The following MED1 variants were observed in gnomAD, a reference collection of about 807,000 sequenced individuals.
MED1 encodes mediator complex subunit 1.
A neutral mutation model predicts 121.3 loss-of-function variants in MED1; 17 were observed. The ratio of observed to expected loss-of-function variants is 0.14; its 90% confidence interval spans 0.10 to 0.21. The LOEUF (loss-of-function observed/expected upper bound fraction) is 0.21. Ranked by LOEUF, MED1 falls within the 10% of genes least tolerant of loss-of-function variation. The probability of loss-of-function intolerance (pLI) is 1.00; values close to 1 mark genes in which losing one functional copy is unlikely to be tolerated. For missense variants in MED1, 1,558 were observed against 1,919.4 expected (o/e 0.81, Z 3.52); for synonymous variants, 661 against 694.4 (o/e 0.95, Z 0.76).
Position 39,418,789 on chromosome 17 carries a change from A to ATT in MED1, c.1297+926_1297+927dup, listed in dbSNP as rs71147329. Reference sequence around the variant, plus strand: ...TTCGTGTGGAAACACAGCATCTGTGATTTTTTTTTTTTTTTTGAGAGGGAG... The same window carrying ATT: ...TTCGTGTGGAAACACAGCATCTGTGATTTTTTTTTTTTTTTTTTGAGAGGGAG... On this transcript the variant is annotated intron_variant, in intron 14 of 16. Coordinates refer to ENST00000300651, the MANE Select transcript of MED1 (RefSeq NM_004774.4). Among the ~76,000 whole-genome samples the ATT allele has an allele frequency of 7.6e-3, 1,082 of 142,294 alleles. 7 individuals are homozygous for ATT. The highest frequency in any genetic ancestry group is 0.018 in the Middle Eastern group (5 of 276). 93.4% of individuals were successfully genotyped at this position (142,294 alleles called of 152,430 possible).
At chr17:39,449,809 CTT>C (rs71147334) in intron 1 of MED1, among the ~76,000 whole-genome samples, 2,239 of 61,650 alleles carry the variant, frequency 0.036, 12 homozygotes, top group Non-Finnish European at 0.048. Flanking sequence ...CACACCCGGC[CTT>C]TTTTTTTTTT....
Position 39,440,775 on chromosome 17 carries a change from C to CAA in MED1, c.212-99_212-98insTT. The CAA allele has an allele frequency of 6.0e-6, 7 of 1,162,904 alleles. No individual in the cohort carries two copies. The highest frequency in any genetic ancestry group is 8.8e-6 in the Non-Finnish European group (7 of 795,408). The allele number at this position is 1,162,904 out of a possible 1,614,324, so 72.0% of individuals were successfully genotyped here. Reference sequence around the variant, plus strand: ...AGATTCATCCTTCCAAAACCGTAAACATATTCAGTAGTTCAAATGCTTGTA... The same window carrying CAA: ...AGATTCATCCTTCCAAAACCGTAAACAAATATTCAGTAGTTCAAATGCTTGTA... On this transcript the variant is annotated intron_variant, in intron 3 of 16. Coordinates refer to ENST00000300651, the MANE Select transcript of MED1 (RefSeq NM_004774.4). This position sits in a 1 kb window ranked among gnomAD's most constrained non-coding sequence, Gnocchi z 4.1.
At chr17:39,428,867 G>A (rs1170353148) in intron 9 of MED1, among the ~76,000 whole-genome samples, 1 of 150,450 alleles carries the variant, frequency 6.6e-6, no homozygotes, top group Non-Finnish European at 1.5e-5. Context: ...CAGGAGAATT[G>A]CTTGAACCCA....
chr17:39,421,101 A>G (rs1386568387), intron 13 of MED1, among the ~76,000 whole-genome samples: 1 of 150,352 alleles, frequency 6.7e-6, no homozygotes, highest in Non-Finnish European at 1.5e-5. Flanking sequence ...CGGCCACATC[A>G]GCCTAATTTT....
At chr17:39,429,754 A>G (rs2048548265) in intron 9 of MED1, among the ~76,000 whole-genome samples, 1 of 151,196 alleles carries the variant, frequency 6.6e-6, no homozygotes, top group Non-Finnish European at 1.5e-5. Flanking sequence ...AAATACACAA[A>G]TATCTGGCAA....
At chr17:39,449,440 C>G (rs2048760307) in intron 1 of MED1, among the ~76,000 whole-genome samples, 1 of 152,142 alleles carries the variant, frequency 6.6e-6, no homozygotes, top group Non-Finnish European at 1.5e-5. Context: ...TTCGGCCTCC[C>G]AAGGTGCTGG....
chr17:39,425,283 C>T (rs1280167230), intron 10 of MED1, among the ~76,000 whole-genome samples: 1 of 152,056 alleles, frequency 6.6e-6, no homozygotes, highest in Non-Finnish European at 1.5e-5. Context: ...CTCCACCTCC[C>T]AGGTTCAAGA....
intron 3 of MED1, among the ~76,000 whole-genome samples, chr17:39,441,538 G>A (rs1006695122): frequency 2.6e-5 from 4 of 152,174 alleles, no homozygotes; most frequent in Admixed American, 2.0e-4. Context: ...TTCGGAGACC[G>A]AGGCATGCGG....
intron 13 of MED1, among the ~76,000 whole-genome samples, chr17:39,420,948 A>G (rs1359206041): frequency 6.6e-6 from 1 of 151,044 alleles, no homozygotes; most frequent in African/African-American, 2.4e-5. Flanking sequence ...GGCGCCCGCC[A>G]CCACACCCAG....
In MED1 at chr17:39,410,054, T is replaced by C. The variant is rs749016052; in HGVS notation, c.2167A>G (p.Ile723Val). ...FSMDVDSQNP[I>V]FDVNMTADTL... ...TCAGCTGTCATGTTGACATCAAAGA[T>C]AGGGTTCTGTGAGTCAACATCCATT... is the stretch of plus-strand genomic sequence containing the variant. Residue 723 changes from isoleucine to valine, a missense_variant, in exon 17 of 17, where the codon ATC (isoleucine) becomes GTC (valine). Physicochemically the swap from Ile to Val is conservative, Grantham distance 29 (BLOSUM62 3). Transcript: ENST00000300651. The C allele has an allele frequency of 2.0e-5, 32 of 1,613,976 alleles. No individual in the cohort carries two copies. The highest frequency in any genetic ancestry group is 2.7e-5 in the African/African-American group (2 of 74,898).
chr17:39,426,063 T>C (rs2048512528), intron 10 of MED1, among the ~76,000 whole-genome samples: 1 of 151,844 alleles, frequency 6.6e-6, no homozygotes, highest in Non-Finnish European at 1.5e-5. Context: ...GCCCAGGACT[T>C]CGGGGGCTGT....
chr17:39,415,329 C>A lies in MED1; in HGVS notation c.1308G>T (p.Gly436=), dbSNP rs1597855372. The change falls in exon 15 of 17, where the codon GGG becomes GGT. Residue 436 remains glycine (G), a synonymous_variant. Transcript: ENST00000300651. ...GAGGACACACTTCAAATTGGAGAAGCCCAGGAGAATCTAAAAGGCAAAGAG... is the reference window on the plus strand; with the variant it reads ...GAGGACACACTTCAAATTGGAGAAGACCAGGAGAATCTAAAAGGCAAAGAG... ...KRTILKEDSP[G]LLQFEVCPLS... 8 of 1,611,412 alleles carry A rather than the reference C, an allele frequency of 5.0e-6. No individual in the cohort carries two copies. The Admixed American group carries it at 1.2e-4, about 24-fold the overall frequency.
At chr17:39,431,896 G>T in intron 8 of MED1, 46 bp downstream of exon 8, 1 of 1,411,214 alleles carries the variant, frequency 7.1e-7, no homozygotes, top group Non-Finnish European at 1.0e-6. Context: ...TCTCCCCAGA[G>T]AAAAACTCAA....
At chr17:39,412,828 C>T (rs2048369919) in intron 16 of MED1, among the ~76,000 whole-genome samples, 1 of 152,028 alleles carries the variant, frequency 6.6e-6, no homozygotes, top group Non-Finnish European at 1.5e-5. Context: ...GACCCCCGCA[C>T]CCGGCCGCAA....
At chr17:39,427,082 A>G (rs1320713595) in intron 10 of MED1, among the ~76,000 whole-genome samples, 1 of 152,076 alleles carries the variant, frequency 6.6e-6, no homozygotes, top group Non-Finnish European at 1.5e-5. Context: ...TACCAGGCCC[A>G]TCCTTCTACA....
chr17:39,418,354 C>CAT (rs993773616), intron 14 of MED1, among the ~76,000 whole-genome samples: 7 of 85,000 alleles, frequency 8.2e-5, no homozygotes, highest in Non-Finnish European at 2.0e-4. Context: ...ACATGGGCAA[C>CAT]ATAGAGAGAC....
At chr17:39,435,881 T>G (rs568279351) in intron 6 of MED1, among the ~76,000 whole-genome samples, 7 of 152,022 alleles carry the variant, frequency 4.6e-5, no homozygotes, top group Non-Finnish European at 1.0e-4. Context: ...TTTTGTATTT[T>G]TAGTAGACAT....
At chr17:39,423,861 G>C in intron 11 of MED1, 40 bp from the exon 12 acceptor site, 1 of 1,555,264 alleles carries the variant, frequency 6.4e-7, no homozygotes, top group Non-Finnish European at 8.6e-7. Flanking sequence ...ATTCTGACTT[G>C]ATATAAAAAT....
intron 3 of MED1, among the ~76,000 whole-genome samples, chr17:39,442,578 C>CA: frequency 8.4e-6 from 1 of 119,148 alleles, no homozygotes; most frequent in Non-Finnish European, 1.6e-5. Context: ...GCCTGGGTGA[C>CA]AGAGTGAGAC....
Sources: allele counts gnomAD v4.1 joint callset (sites outside exome capture counted in the v4.1 genomes callset), GRCh38; gene constraint gnomAD v4.1.1; non-coding constraint Gnocchi (gnomAD v3.1); transcripts MANE v1.5; gene names NCBI Gene and HGNC (gene_info 2026-07-23, HGNC 2026-07-21).